The following HTR2C variants were observed in gnomAD, a reference collection of about 807,000 sequenced individuals.
HTR2C encodes the protein 5-hydroxytryptamine receptor 2C.
Under a neutral mutation model 21.0 loss-of-function variants are expected in HTR2C, and 5 were observed. The ratio of observed to expected loss-of-function variants is 0.24; its 90% confidence interval spans 0.12 to 0.50. HTR2C has a LOEUF of 0.50. Ranked by LOEUF, HTR2C falls within the 20% of genes least tolerant of loss-of-function variation. HTR2C has a pLI of 0.98. For missense variants in HTR2C, 271 were observed against 371.2 expected (o/e 0.73, Z 2.22); for synonymous variants, 150 against 145.3 (o/e 1.03, Z -0.23).
At chrX:114,806,348 TAC>T (rs1556449590) in intron 4 of HTR2C, among the ~76,000 whole-genome samples, 16 of 95,800 alleles carry the variant, frequency 1.7e-4, no homozygotes, top group African/African-American at 5.0e-4. Flanking sequence ...ACCATATATA[TAC>T]ACACCATATA....
chrX:114,776,442 T>C, intron 4 of HTR2C: 1 of 698,967 alleles, frequency 1.4e-6, no homozygotes, highest in Non-Finnish European at 2.3e-6. Flanking sequence ...TAGAAGATTT[T>C]GGTCTCTCCC....
chrX:114,669,103 A>G (rs1375626440), intron 2 of HTR2C, among the ~76,000 whole-genome samples: 1 of 109,317 alleles, frequency 9.1e-6, no homozygotes, highest in East Asian at 2.9e-4. Flanking sequence ...TTTTTTTTTT[A>G]TACAGGGGAG....
chrX:114,790,715 G>A (rs180986590), intron 4 of HTR2C, among the ~76,000 whole-genome samples: 98 of 111,730 alleles, frequency 8.8e-4, no homozygotes, highest in African/African-American at 2.8e-3. Context: ...TTAGAAAATA[G>A]CACTGCTTAA....
At chrX:114,879,692 G>T (rs1320337850) in intron 5 of HTR2C, among the ~76,000 whole-genome samples, 1 of 110,626 alleles carries the variant, frequency 9.0e-6, no homozygotes, top group East Asian at 2.8e-4. Context: ...ACAATGTTTG[G>T]TTTTCCATTT....
At chrX:114,781,756 C>T (rs1291245253) in intron 4 of HTR2C, among the ~76,000 whole-genome samples, 1 of 107,322 alleles carries the variant, frequency 9.3e-6, no homozygotes, top group Non-Finnish European at 1.9e-5. Flanking sequence ...CCGCCTCAGC[C>T]TCTGAAAGTG....
intron 4 of HTR2C, among the ~76,000 whole-genome samples, chrX:114,781,330 A>G (rs1352507993): frequency 9.0e-6 from 1 of 110,802 alleles, no homozygotes; most frequent in African/African-American, 3.3e-5. Flanking sequence ...CTACAAAAAA[A>G]TTAAAAAATA....
chrX:114,705,553 T>C, intron 2 of HTR2C, among the ~76,000 whole-genome samples: 1 of 108,260 alleles, frequency 9.2e-6, no homozygotes. Flanking sequence ...ATACAAAAAT[T>C]AATTCAAGAT....
intron 4 of HTR2C, among the ~76,000 whole-genome samples, chrX:114,838,398 T>G (rs1373223779): frequency 8.9e-6 from 1 of 112,195 alleles, no homozygotes; most frequent in Non-Finnish European, 1.9e-5. Flanking sequence ...CACATTCCCA[T>G]ACATCTTAAT....
At chrX:114,816,789 A>T (rs1478705843) in intron 4 of HTR2C, among the ~76,000 whole-genome samples, 3 of 110,930 alleles carry the variant, frequency 2.7e-5, no homozygotes, top group African/African-American at 9.8e-5. Context: ...TGATAAAAGA[A>T]AACATGTTAG....
intron 4 of HTR2C, among the ~76,000 whole-genome samples, chrX:114,816,692 G>A (rs902966776): frequency 1.3e-4 from 14 of 110,452 alleles, no homozygotes; most frequent in Non-Finnish European, 2.3e-4. Context: ...TTATAATAAT[G>A]TGTGGCTATA....
chrX:114,614,903 T>G (rs1928893821), intron 2 of HTR2C, among the ~76,000 whole-genome samples: 1 of 112,071 alleles, frequency 8.9e-6, no homozygotes, highest in Non-Finnish European at 1.9e-5. Flanking sequence ...AATTCTCAAT[T>G]AAATTTCTGA....
chrX:114,788,498 G>A (rs1462989018), intron 4 of HTR2C, among the ~76,000 whole-genome samples: 3 of 110,745 alleles, frequency 2.7e-5, no homozygotes, highest in African/African-American at 9.9e-5. Flanking sequence ...CTGACCTCAA[G>A]TGATCCACCT....
chrX:114,758,601 A>G (rs782359382), intron 4 of HTR2C, among the ~76,000 whole-genome samples: 2 of 111,595 alleles, frequency 1.8e-5, no homozygotes, highest in Admixed American at 1.9e-4. Context: ...AGGCCTTTCA[A>G]AAATATATGG....
Position 114,605,638 on chromosome X carries a change from C to T in HTR2C, c.-146-8177C>T, listed in dbSNP as rs781787988. 1.2e-4 allele frequency among the ~76,000 whole-genome samples: 13 copies of T among 111,003 alleles called. No homozygotes were observed. The South Asian group carries it at 4.2e-3, about 36-fold the overall frequency. On this transcript the variant is annotated intron_variant, in intron 1 of 5. Transcript: ENST00000276198. ...TTTTCTGGCTATTTGGAACTACTGTCGAGTTGGTATTGGGGTGAAGCGGCA... is the reference window on the plus strand; with the variant it reads ...TTTTCTGGCTATTTGGAACTACTGTTGAGTTGGTATTGGGGTGAAGCGGCA...
intron 2 of HTR2C, among the ~76,000 whole-genome samples, chrX:114,694,738 C>T (rs1279182160): frequency 9.1e-6 from 1 of 109,918 alleles, no homozygotes; most frequent in Non-Finnish European, 1.9e-5. Context: ...GGTGATCTGG[C>T]CCACCTCAGC....
chrX:114,619,239 G>A (rs967673029), intron 2 of HTR2C, among the ~76,000 whole-genome samples: 2 of 110,111 alleles, frequency 1.8e-5, no homozygotes, highest in African/African-American at 3.4e-5. Flanking sequence ...AACTCCAGTC[G>A]GTTTTAATTC....
At chrX:114,776,047 G>C in intron 4 of HTR2C, 1 of 443,661 alleles carries the variant, frequency 2.3e-6, no homozygotes, top group African/African-American at 2.4e-5. Flanking sequence ...ACTTATGCTT[G>C]AACTCAGCAA....
chrX:114,640,058 AATC>A (rs1289777769), intron 2 of HTR2C, among the ~76,000 whole-genome samples: 1 of 111,701 alleles, frequency 9.0e-6, no homozygotes, highest in Non-Finnish European at 1.9e-5. Context: ...AAGTAAATAT[AATC>A]ATCATTGAAA....
intron 4 of HTR2C, among the ~76,000 whole-genome samples, chrX:114,814,514 T>C (rs1556453734): frequency 2.7e-5 from 3 of 109,140 alleles, no homozygotes; most frequent in African/African-American, 1.0e-4. Context: ...GTTTGGAAAG[T>C]TAGTAGCAAG....
Sources: allele counts gnomAD v4.1 joint callset (sites outside exome capture counted in the v4.1 genomes callset), GRCh38; gene constraint gnomAD v4.1.1; transcripts MANE v1.5; gene names NCBI Gene and HGNC (gene_info 2026-07-23, HGNC 2026-07-21).